Variants in IL1RAPL1 observed in about 807,000 individuals in gnomAD.
IL1RAPL1 encodes the protein interleukin-1 receptor accessory protein-like 1.
IL1RAPL1 carries 3 observed loss-of-function variants against 48.4 expected under a neutral mutation model. The observed-to-expected ratio is 0.06, with a 90% CI of 0.03 to 0.16. The LOEUF (loss-of-function observed/expected upper bound fraction) is 0.16. Among genes scored for constraint, IL1RAPL1 ranks in the 10% least tolerant of loss-of-function variants. IL1RAPL1 has a pLI of 1.00. For missense variants in IL1RAPL1, 349 were observed against 530.6 expected, an observed-to-expected ratio of 0.66 and a Z score of 3.36; for synonymous variants, 185 against 187.7, an observed-to-expected ratio of 0.99 and a Z score of 0.12.
intron 2 of IL1RAPL1, among the ~76,000 whole-genome samples, chrX:28,872,963 C>G (rs911802291): frequency 3.0e-4 from 33 of 111,306 alleles, no homozygotes; most frequent in African/African-American, 1.1e-3. Flanking sequence ...AAACACCTTG[C>G]TATTCTGCCT....
intron 5 of IL1RAPL1, among the ~76,000 whole-genome samples, chrX:29,590,662 C>T (rs1171554211): frequency 1.8e-5 from 2 of 111,732 alleles, no homozygotes; most frequent in African/African-American, 6.5e-5. Context: ...AACAGGGGCT[C>T]ATCCAAGGTC....
At chrX:28,942,403 G>T (rs1337806483) in intron 2 of IL1RAPL1, 2 of 108,752 alleles carry the variant, frequency 1.8e-5, no homozygotes, top group African/African-American at 6.6e-5. Flanking sequence ...ATTACATCAT[G>T]GGTCATTTTC....
At chrX:29,509,857 G>A (rs758793168) in intron 5 of IL1RAPL1, among the ~76,000 whole-genome samples, 51 of 112,294 alleles carry the variant, frequency 4.5e-4, no homozygotes, top group Admixed American at 1.6e-3. Context: ...TGATCTGTTC[G>A]TTATAAATTA....
rs751453437 is a variant in IL1RAPL1, at chrX:28,834,852, A to T, written c.82+45427A>T. On this transcript the variant is annotated intron_variant, in intron 2 of 10. Coordinates refer to ENST00000378993, the MANE Select transcript of IL1RAPL1 (RefSeq NM_014271.4). ...TTCTTACACTGTCAGGCATTGTACTATGCCTGCTACTTCCTAATAGTTAAC... is the reference window on the plus strand; with the variant it reads ...TTCTTACACTGTCAGGCATTGTACTTTGCCTGCTACTTCCTAATAGTTAAC... 7.2e-5 allele frequency among the ~76,000 whole-genome samples: 8 copies of T among 111,692 alleles called. No individual in the cohort carries two copies. In the East Asian group the frequency reaches 2.3e-3, roughly 32 times the overall value.
At chrX:29,684,137 A>G (rs748061557) in intron 6 of IL1RAPL1, among the ~76,000 whole-genome samples, 3 of 111,741 alleles carry the variant, frequency 2.7e-5, no homozygotes, top group Non-Finnish European at 3.8e-5. Context: ...CCTACTATGT[A>G]CCCACAAAAA....
chrX:28,604,871 C>T (rs749600158), intron 1 of IL1RAPL1, among the ~76,000 whole-genome samples: 3 of 110,422 alleles, frequency 2.7e-5, no homozygotes, highest in Non-Finnish European at 5.7e-5. Context: ...CTCCCTGTAC[C>T]CAATGGTCAA....
chrX:28,827,658 T>C (rs1937007736), intron 2 of IL1RAPL1, among the ~76,000 whole-genome samples: 1 of 111,902 alleles, frequency 8.9e-6, no homozygotes, highest in South Asian at 3.7e-4. Context: ...TCAGTAGGAC[T>C]GAAAAGTTTT....
intron 2 of IL1RAPL1, among the ~76,000 whole-genome samples, chrX:28,858,617 T>C (rs761735882): frequency 1.6e-4 from 18 of 112,582 alleles, no homozygotes; most frequent in African/African-American, 5.8e-4. Context: ...ATGTACATTG[T>C]TTTCAGACAC....
intron 1 of IL1RAPL1, among the ~76,000 whole-genome samples, chrX:28,660,785 G>A (rs1934813578): frequency 9.0e-6 from 1 of 111,669 alleles, no homozygotes; most frequent in South Asian, 3.7e-4. Flanking sequence ...AAAATATGAA[G>A]AGATTCATCA....
intron 9 of IL1RAPL1, among the ~76,000 whole-genome samples, chrX:29,952,601 T>A (rs1933341323): frequency 8.9e-6 from 1 of 112,518 alleles, no homozygotes; most frequent in Non-Finnish European, 1.9e-5. Flanking sequence ...GATTTCTTAC[T>A]CAACTAAAGT....
At chrX:28,610,657 A>C (rs756341947) in intron 1 of IL1RAPL1, among the ~76,000 whole-genome samples, 2 of 111,833 alleles carry the variant, frequency 1.8e-5, no homozygotes, top group South Asian at 3.8e-4. Context: ...TGTTCGTAGA[A>C]AGTTCTGTAC....
chrX:29,541,162 A>G lies in IL1RAPL1; in HGVS notation c.704-127268A>G, dbSNP rs747290880. On this transcript the variant is annotated intron_variant, in intron 5 of 10. Transcript: ENST00000378993. ...CTCAAAAGAAGACATATAAGTGACC[A>G]ATAAACACATGAAAAAATGCTCAAA... Among the ~76,000 whole-genome samples, 24 of 112,419 alleles carry G rather than the reference A, an allele frequency of 2.1e-4. No homozygotes were observed. In the South Asian group the frequency reaches 2.2e-3, roughly 10 times the overall value.
intron 2 of IL1RAPL1, among the ~76,000 whole-genome samples, chrX:29,108,734 G>T (rs1262694078): frequency 1.8e-5 from 2 of 111,366 alleles, no homozygotes; most frequent in Non-Finnish European, 3.8e-5. Context: ...TGAGCATTTA[G>T]TATACGTCTT....
At chrX:28,624,081 C>A (rs186435024) in intron 1 of IL1RAPL1, among the ~76,000 whole-genome samples, 1 of 111,733 alleles carries the variant, frequency 8.9e-6, no homozygotes, top group East Asian at 2.8e-4. Flanking sequence ...CAAATGTGCA[C>A]GTCAGTTGCT....
intron 1 of IL1RAPL1, among the ~76,000 whole-genome samples, chrX:28,720,335 C>A (rs1392317616): frequency 9.0e-6 from 1 of 111,248 alleles, no homozygotes; most frequent in Non-Finnish European, 1.9e-5. Flanking sequence ...GTCCGTCTGT[C>A]AGCACTAAAT....
At chrX:29,370,528 G>T (rs1371659658) in intron 3 of IL1RAPL1, among the ~76,000 whole-genome samples, 1 of 108,899 alleles carries the variant, frequency 9.2e-6, no homozygotes, top group Admixed American at 9.9e-5. Flanking sequence ...TCTCAAAAGT[G>T]CTTCCCTGTT....
At chrX:29,288,260 A>T (rs957008999) in intron 3 of IL1RAPL1, among the ~76,000 whole-genome samples, 14 of 110,865 alleles carry the variant, frequency 1.3e-4, no homozygotes, top group Non-Finnish European at 9.4e-5. Context: ...CCTAGGTATT[A>T]AGTCCAGCAT....
chrX:29,012,418 T>A (rs1425211013), intron 2 of IL1RAPL1, among the ~76,000 whole-genome samples: 1 of 110,923 alleles, frequency 9.0e-6, no homozygotes, highest in African/African-American at 3.3e-5. Flanking sequence ...GTGGCGGCCA[T>A]CTGTAATCCC....
intron 3 of IL1RAPL1, among the ~76,000 whole-genome samples, chrX:29,306,860 CAAAAAAAAA>C (rs1168897352): frequency 1.4e-4 from 4 of 28,714 alleles, no homozygotes; most frequent in African/African-American, 2.5e-4. Context: ...GACTCTGTCT[CAAAAAAAAA>C]AAAAAAAAAA....
Sources: allele counts gnomAD v4.1 joint callset (sites outside exome capture counted in the v4.1 genomes callset), GRCh38; gene constraint gnomAD v4.1.1; transcripts MANE v1.5; gene names NCBI Gene and HGNC (gene_info 2026-07-23, HGNC 2026-07-21).